SCLT1: variants seen among roughly 807,000 people sequenced by gnomAD.
SCLT1 encodes the protein sodium channel and clathrin linker 1.
A neutral mutation model predicts 112.8 loss-of-function variants in SCLT1; 78 were observed. The observed-to-expected ratio is 0.69, with a 90% CI of 0.58 to 0.83. The LOEUF (loss-of-function observed/expected upper bound fraction) is 0.83. Ranked by LOEUF, SCLT1 falls within the 40% of genes least tolerant of loss-of-function variation. The pLI is 0.00. For synonymous variants in SCLT1, 257 were observed against 254.7 expected (o/e 1.01, Z -0.09); for missense variants, 747 against 770.4 (o/e 0.97, Z 0.36).
chr4:128,959,228 TGA>T (rs1739470716), intron 12 of SCLT1, among the ~76,000 whole-genome samples: 1 of 151,938 alleles, frequency 6.6e-6, no homozygotes, highest in South Asian at 2.1e-4. Context: ...ATTGAGTATA[TGA>T]TGAAGGGGAA....
chr4:128,892,965 A>G (rs1487435367), intron 18 of SCLT1, among the ~76,000 whole-genome samples: 1 of 152,198 alleles, frequency 6.6e-6, no homozygotes, highest in African/African-American at 2.4e-5. Context: ...CCCCGACAAC[A>G]TAAGAAAAAA....
chr4:129,069,588 T>C (rs2777823), intron 2 of SCLT1, among the ~76,000 whole-genome samples: 81,508 of 151,980 alleles, frequency 0.54, 24,715 homozygotes, highest in South Asian at 0.68. Flanking sequence ...GGCTACTGAT[T>C]TGTGCACATT....
At chr4:128,945,945 T>C in intron 16 of SCLT1, 62 bp downstream of exon 16, 1 of 1,176,858 alleles carries the variant, frequency 8.5e-7, no homozygotes, top group Admixed American at 2.1e-5. Context: ...AGGTAGCGAA[T>C]CTGTCAAAAA....
intron 16 of SCLT1, among the ~76,000 whole-genome samples, chr4:128,945,256 C>T (rs537632127): frequency 4.6e-5 from 7 of 152,060 alleles, no homozygotes; most frequent in Admixed American, 6.6e-5. Context: ...AGAGAAACCC[C>T]GTGAATGTAT....
At chr4:129,067,728 C>A (rs1306051181) in intron 2 of SCLT1, among the ~76,000 whole-genome samples, 1 of 151,912 alleles carries the variant, frequency 6.6e-6, no homozygotes, top group Non-Finnish European at 1.5e-5. Context: ...GCCAGGCTGG[C>A]CTTAAACTCC....
intron 11 of SCLT1, among the ~76,000 whole-genome samples, chr4:128,964,919 T>C (rs1740045112): frequency 6.6e-6 from 1 of 152,208 alleles, no homozygotes; most frequent in African/African-American, 2.4e-5. Context: ...AGGGTTTTAT[T>C]TGTTTCCTAA....
intron 10 of SCLT1, among the ~76,000 whole-genome samples, chr4:128,966,110 G>C (rs539334450): frequency 1.3e-5 from 2 of 150,054 alleles, no homozygotes; most frequent in South Asian, 4.2e-4. Flanking sequence ...GATTACAGGC[G>C]TGAGCCACCG....
At chr4:128,963,452 C>A (rs1290580807) in intron 11 of SCLT1, among the ~76,000 whole-genome samples, 5 of 152,084 alleles carry the variant, frequency 3.3e-5, no homozygotes, top group Non-Finnish European at 5.9e-5. Flanking sequence ...AGTAGGTGCT[C>A]AGCACACATT....
chr4:128,874,831 T>TAA (rs1176196695), intron 4 of SCLT1: 1 of 152,664 alleles, frequency 6.6e-6, no homozygotes, highest in Non-Finnish European at 1.5e-5. Context: ...TAAACTTTTG[T>TAA]AAAGTTGCCT....
chr4:128,894,132 G>C (rs1733546540), intron 18 of SCLT1, among the ~76,000 whole-genome samples: 1 of 151,928 alleles, frequency 6.6e-6, no homozygotes, highest in African/African-American at 2.4e-5. Flanking sequence ...TGTAGAGATA[G>C]GGTTTTACCA....
At chr4:128,886,793 A>AT (rs1732924559) in intron 20 of SCLT1, among the ~76,000 whole-genome samples, 1 of 152,150 alleles carries the variant, frequency 6.6e-6, no homozygotes, top group South Asian at 2.1e-4. Flanking sequence ...TTTAGGTTTA[A>AT]TTTTTTCAGG....
At chr4:128,911,849 G>C (rs1008293382) in intron 18 of SCLT1, among the ~76,000 whole-genome samples, 3 of 152,174 alleles carry the variant, frequency 2.0e-5, no homozygotes, top group African/African-American at 7.2e-5. Context: ...CAACTTAAAA[G>C]AATTCAATTC....
intron 14 of SCLT1, chr4:128,952,404 T>G (rs1305051353): frequency 2.2e-6 from 1 of 464,086 alleles, no homozygotes; most frequent in Non-Finnish European, 4.3e-6. Flanking sequence ...TCAGTATTCA[T>G]TTCTTTCAGG....
chr4:128,901,349 G>T (rs372161823), intron 18 of SCLT1, among the ~76,000 whole-genome samples: 2 of 152,046 alleles, frequency 1.3e-5, no homozygotes, highest in Non-Finnish European at 2.9e-5. Context: ...CCATAAAAAA[G>T]GATGAGTTCA....
intron 10 of SCLT1, among the ~76,000 whole-genome samples, chr4:128,968,516 T>C (rs986909629): frequency 5.3e-5 from 8 of 152,196 alleles, no homozygotes; most frequent in Non-Finnish European, 1.0e-4. Flanking sequence ...ATATATATAA[T>C]AGCTGACTTG....
At chr4:129,087,574 C>T (rs1454461859) in intron 1 of SCLT1, among the ~76,000 whole-genome samples, 2 of 150,856 alleles carry the variant, frequency 1.3e-5, no homozygotes, top group East Asian at 1.9e-4. Context: ...AAGGGAGACC[C>T]GGCTTCTACA....
At chr4:128,880,743 C>T (rs1732620368), downstream of SCLT1, among the ~76,000 whole-genome samples, 1 of 152,108 alleles carries the variant, frequency 6.6e-6, no homozygotes, top group South Asian at 2.1e-4. Context: ...TCATCCTAAA[C>T]CCTGAAAAAT....
chr4:129,086,741 C>T (rs1457345014), intron 1 of SCLT1, among the ~76,000 whole-genome samples: 1 of 151,948 alleles, frequency 6.6e-6, no homozygotes, highest in Non-Finnish European at 1.5e-5. Flanking sequence ...CTGTAAAAGA[C>T]ACCAGTAAAA....
intron 5 of SCLT1, among the ~76,000 whole-genome samples, chr4:129,028,609 A>G (rs183853778): frequency 1.3e-5 from 2 of 152,358 alleles, no homozygotes; most frequent in East Asian, 3.9e-4. Context: ...TTCAAGACAT[A>G]GGTATGGGCA....
Sources: gnomAD v4.1 joint callset for allele counts (sites outside exome capture counted in the v4.1 genomes callset) on GRCh38, gnomAD v4.1.1 for gene constraint, MANE v1.5 for transcripts, NCBI Gene and HGNC (gene_info 2026-07-23, HGNC 2026-07-21) for gene names.